Variants in IL1RAPL1 observed in about 807,000 individuals in gnomAD.
The protein encoded by IL1RAPL1 is interleukin-1 receptor accessory protein-like 1.
In IL1RAPL1, 3 loss-of-function variants were observed where a neutral mutation model predicts 48.4. The ratio of observed to expected loss-of-function variants is 0.06; its 90% CI spans 0.03 to 0.16. The LOEUF is 0.16. Ranked by LOEUF, IL1RAPL1 falls within the 10% of genes least tolerant of loss-of-function variation. IL1RAPL1 has a pLI of 1.00. For synonymous variants in IL1RAPL1, 185 were observed against 187.7 expected (o/e 0.99, Z 0.12); for missense variants, 349 against 530.6 (o/e 0.66, Z 3.36).
At chrX:29,479,685 C>G (rs752192777) in intron 5 of IL1RAPL1, among the ~76,000 whole-genome samples, 1 of 109,522 alleles carries the variant, frequency 9.1e-6, no homozygotes, top group Non-Finnish European at 1.9e-5. Flanking sequence ...CGTTCCCCCC[C>G]AGTCCCCAGA....
At chrX:29,478,246 G>A (rs758671961) in intron 5 of IL1RAPL1, among the ~76,000 whole-genome samples, 1 of 112,038 alleles carries the variant, frequency 8.9e-6, no homozygotes, top group African/African-American at 3.2e-5. Flanking sequence ...TTCAGAAAAC[G>A]TCAGCTCCAT....
chrX:29,047,027 C>T (rs891895130), intron 2 of IL1RAPL1, among the ~76,000 whole-genome samples: 4 of 112,512 alleles, frequency 3.6e-5, no homozygotes, highest in African/African-American at 9.7e-5. Context: ...ATTGAATCCT[C>T]ATGCCCTGCA....
chrX:28,893,307 A>G (rs765792464), intron 2 of IL1RAPL1, among the ~76,000 whole-genome samples: 2 of 111,276 alleles, frequency 1.8e-5, no homozygotes, highest in Admixed American at 9.5e-5. Context: ...TTGGTGGCTG[A>G]GCTTGGTGAG....
chrX:29,439,771 A>G (rs748061631), intron 5 of IL1RAPL1, among the ~76,000 whole-genome samples: 1 of 110,011 alleles, frequency 9.1e-6, no homozygotes, highest in East Asian at 2.8e-4. Context: ...TAAATTAATG[A>G]GAAAATGCTT....
At chrX:29,156,851 A>G (rs1291733608) in intron 2 of IL1RAPL1, among the ~76,000 whole-genome samples, 1 of 6,182 alleles carries the variant, frequency 1.6e-4, no homozygotes, top group South Asian at 0.029. Context: ...GGGGATCAGA[A>G]CTAAAAAGTT....
At chrX:29,907,410 AATAT>A (rs1237125976) in intron 6 of IL1RAPL1, among the ~76,000 whole-genome samples, 5 of 111,349 alleles carry the variant, frequency 4.5e-5, no homozygotes, top group Non-Finnish European at 9.4e-5. Context: ...ATATTTATAA[AATAT>A]ATACTTTCTC....
At chrX:28,750,187 G>C (rs911270150) in intron 1 of IL1RAPL1, among the ~76,000 whole-genome samples, 1 of 111,137 alleles carries the variant, frequency 9.0e-6, no homozygotes, top group Non-Finnish European at 1.9e-5. Flanking sequence ...TCAACCTCAA[G>C]TGATCCATCT....
chrX:29,466,729 C>T (rs1208304318), intron 5 of IL1RAPL1, among the ~76,000 whole-genome samples: 1 of 112,047 alleles, frequency 8.9e-6, no homozygotes, highest in Non-Finnish European at 1.9e-5. Context: ...ACAGCAGTTG[C>T]TGGCAAGTAT....
chrX:28,759,544 G>A (rs1978080), intron 1 of IL1RAPL1, among the ~76,000 whole-genome samples: 3,472 of 111,130 alleles, frequency 0.031, 143 homozygotes, highest in African/African-American at 0.11. Context: ...AGCATACTAG[G>A]ATCCCGACTC....
intron 2 of IL1RAPL1, among the ~76,000 whole-genome samples, chrX:29,105,539 T>G (rs1479151301): frequency 2.7e-5 from 3 of 112,142 alleles, no homozygotes; most frequent in Non-Finnish European, 5.6e-5. Context: ...GTGCAAAGGA[T>G]AAATACAAAT....
chrX:28,881,788 A>G (rs890804282), intron 2 of IL1RAPL1, among the ~76,000 whole-genome samples: 1 of 111,037 alleles, frequency 9.0e-6, no homozygotes, highest in Non-Finnish European at 1.9e-5. Context: ...AAGTGGAAGA[A>G]AGAATCAATG....
intron 3 of IL1RAPL1, among the ~76,000 whole-genome samples, chrX:29,356,846 G>C (rs918672291): frequency 2.7e-5 from 3 of 111,741 alleles, no homozygotes; most frequent in Non-Finnish European, 5.6e-5. Flanking sequence ...TTTTGCACCA[G>C]TCTGCACTCC....
chrX:29,587,455 G>A (rs1491000980), intron 5 of IL1RAPL1, among the ~76,000 whole-genome samples: 1 of 110,571 alleles, frequency 9.0e-6, no homozygotes, highest in Non-Finnish European at 1.9e-5. Context: ...AAGTTTAAAC[G>A]ATGTATTGTA....
At chrX:29,416,903 AT>A (rs1282108993) in intron 5 of IL1RAPL1, among the ~76,000 whole-genome samples, 2 of 111,367 alleles carry the variant, frequency 1.8e-5, no homozygotes, top group African/African-American at 3.3e-5. Context: ...GACTCTAGTA[AT>A]TTTTTTATTA....
chrX:29,001,928 G>A (rs1925862883), intron 2 of IL1RAPL1, among the ~76,000 whole-genome samples: 3 of 104,168 alleles, frequency 2.9e-5, no homozygotes, highest in Non-Finnish European at 5.9e-5. Flanking sequence ...ACGGAGTCTG[G>A]CTTCGTTGCC....
intron 2 of IL1RAPL1, among the ~76,000 whole-genome samples, chrX:28,949,899 C>T (rs1201964409): frequency 9.1e-6 from 1 of 110,239 alleles, no homozygotes; most frequent in Non-Finnish European, 1.9e-5. Flanking sequence ...TGCCCGTTCA[C>T]TCTGATGGTA....
At chrX:29,571,203 C>A (rs1035701002) in intron 5 of IL1RAPL1, among the ~76,000 whole-genome samples, 1 of 109,640 alleles carries the variant, frequency 9.1e-6, no homozygotes, top group Non-Finnish European at 1.9e-5. Context: ...GCCTGGGTGA[C>A]AGAGTGAAGA....
At chrX:28,710,157 A>G (rs1479454968) in intron 1 of IL1RAPL1, among the ~76,000 whole-genome samples, 5 of 111,522 alleles carry the variant, frequency 4.5e-5, no homozygotes, top group African/African-American at 1.6e-4. Flanking sequence ...CACTGGTTCC[A>G]GTATATGGGA....
At chrX:29,343,343 T>C (rs752681464) in intron 3 of IL1RAPL1, among the ~76,000 whole-genome samples, 23 of 111,348 alleles carry the variant, frequency 2.1e-4, no homozygotes, top group Admixed American at 1.7e-3. Flanking sequence ...AAAGGAAAAA[T>C]TGGGGCTCAT....
Sources: allele counts gnomAD v4.1 joint callset (sites outside exome capture counted in the v4.1 genomes callset), GRCh38; gene constraint gnomAD v4.1.1; transcripts MANE v1.5; gene names NCBI Gene and HGNC (gene_info 2026-07-23, HGNC 2026-07-21).